SYT17: variants seen among roughly 807,000 people sequenced by gnomAD.
The protein encoded by SYT17 is synaptotagmin 17.
A neutral mutation model predicts 46.7 loss-of-function variants in SYT17; 22 were observed. The ratio of observed to expected loss-of-function variants is 0.47; its 90% CI spans 0.34 to 0.67. The LOEUF (loss-of-function observed/expected upper bound fraction) is 0.67. Among genes scored for constraint, SYT17 ranks in the 30% least tolerant of loss-of-function variants. The pLI is 0.01. For missense variants in SYT17, 519 were observed against 612.8 expected (o/e 0.85, Z 1.62); for synonymous variants, 251 against 248.4 (o/e 1.01, Z -0.10).
Position 19,168,369 on chromosome 16 carries a change from G to A in SYT17, c.-278G>A. 1 of 535,300 alleles carries A rather than the reference G, an allele frequency of 1.9e-6. No individual in the cohort carries two copies. The highest frequency in any genetic ancestry group is 3.6e-5 in the Admixed American group (1 of 27,798). The allele number at this position is 535,300 out of a possible 1,614,324, so 33.2% of individuals were successfully genotyped here. ...GGGGAGCGCCTCGGTGGGGAGCACG[G>A]GACAGCGAGGGAGGCCGAGGCGGGG... is the stretch of plus-strand genomic sequence containing the variant. On this transcript the variant is annotated 5_prime_UTR_variant, in exon 1 of 8. Coordinates refer to ENST00000355377, the MANE Select transcript of SYT17 (RefSeq NM_016524.4). The surrounding 1 kb of genome is among the most constrained non-coding windows in gnomAD (Gnocchi z 6.9).
In SYT17 at chr16:19,168,542, T is replaced by G. The variant is rs943849943; in HGVS notation, c.-105T>G. On this transcript the variant is annotated 5_prime_UTR_variant, in exon 1 of 8. Transcript: ENST00000355377. The surrounding 1 kb of genome is among the most constrained non-coding windows in gnomAD (Gnocchi z 6.9). Reference sequence around the variant, plus strand: ...TCACGTCTGGGGCCACCGGCTGCCTTTTTCTTCCTTTCCCCCTTTGCTTTC... The same window carrying G: ...TCACGTCTGGGGCCACCGGCTGCCTGTTTCTTCCTTTCCCCCTTTGCTTTC... 3.3e-6 allele frequency: 5 copies of G among 1,510,050 alleles called. No individual in the cohort carries two copies. The African/African-American group carries it at 7.1e-5, about 22-fold the overall frequency. The allele number at this position is 1,510,050 out of a possible 1,614,324, so 93.5% of individuals were successfully genotyped here.
At chr16:19,243,518 T>C (rs1007187285) in intron 7 of SYT17, among the ~76,000 whole-genome samples, 1 of 152,118 alleles carries the variant, frequency 6.6e-6, no homozygotes, top group Admixed American at 6.5e-5. Context: ...ACTTAAGATA[T>C]GCCTCATCTG....
At chr16:19,252,958 T>A (rs1485261490) in intron 7 of SYT17, among the ~76,000 whole-genome samples, 1 of 151,936 alleles carries the variant, frequency 6.6e-6, no homozygotes, top group Non-Finnish European at 1.5e-5. Context: ...TGCCCAAGAG[T>A]TTCTGATTCA....
intron 1 of SYT17, chr16:19,169,910 T>C (rs1964017492): frequency 1.3e-5 from 2 of 152,166 alleles, no homozygotes; most frequent in Non-Finnish European, 2.9e-5. Context: ...GAAATGAACA[T>C]GATTACCGGC....
chr16:19,188,504 T>A (rs1330493614), intron 5 of SYT17, among the ~76,000 whole-genome samples: 3 of 67,022 alleles, frequency 4.5e-5, no homozygotes, highest in African/African-American at 7.3e-5. Flanking sequence ...TAAAAAAAAT[T>A]CAGTTCTGCA....
At chr16:19,201,241 A>G (rs1965449261) in intron 5 of SYT17, among the ~76,000 whole-genome samples, 1 of 152,124 alleles carries the variant, frequency 6.6e-6, no homozygotes, top group Non-Finnish European at 1.5e-5. Context: ...GATTTGTGTG[A>G]TGTGTCAGGA....
intron 5 of SYT17, among the ~76,000 whole-genome samples, chr16:19,185,447 A>G (rs1413065954): frequency 1.3e-5 from 2 of 152,132 alleles, no homozygotes; most frequent in Non-Finnish European, 2.9e-5. Flanking sequence ...AAAATTAGCT[A>G]GGCATGGTAG....
At chr16:19,211,531 A>C in intron 5 of SYT17, 1 of 699,312 alleles carries the variant, frequency 1.4e-6, no homozygotes, top group South Asian at 1.5e-5. Context: ...TTTTCAACTG[A>C]GTGTTAATGG....
chr16:19,186,908 T>A (rs370661046), intron 5 of SYT17, among the ~76,000 whole-genome samples: 1 of 152,310 alleles, frequency 6.6e-6, no homozygotes, highest in African/African-American at 2.4e-5. Flanking sequence ...ACCATACCAT[T>A]CCTAGCAGCA....
intron 4 of SYT17, among the ~76,000 whole-genome samples, chr16:19,182,186 A>G (rs1164501528): frequency 6.6e-6 from 1 of 152,248 alleles, no homozygotes; most frequent in Non-Finnish European, 1.5e-5. Context: ...AGGCCGAGGC[A>G]GGCAGATAGC....
chr16:19,230,403 T>A (rs1966637897), intron 7 of SYT17, among the ~76,000 whole-genome samples: 1 of 149,966 alleles, frequency 6.7e-6, no homozygotes, highest in South Asian at 2.1e-4. Flanking sequence ...GTGAAACTCT[T>A]TAAAAAAAAA....
At chr16:19,196,206 G>A (rs957667576) in intron 5 of SYT17, among the ~76,000 whole-genome samples, 1 of 151,888 alleles carries the variant, frequency 6.6e-6, no homozygotes, top group Admixed American at 6.6e-5. Flanking sequence ...TACTACTTTG[G>A]TCATAACCAT....
chr16:19,237,450 C>G (rs1389639702), intron 7 of SYT17, among the ~76,000 whole-genome samples: 1 of 152,108 alleles, frequency 6.6e-6, no homozygotes. Flanking sequence ...AAGACACACC[C>G]AACAGTGCGC....
At chr16:19,169,789 T>C (rs904741149) in intron 1 of SYT17, 22 of 152,260 alleles carry the variant, frequency 1.4e-4, no homozygotes, top group African/African-American at 4.3e-4. Flanking sequence ...CCAGGGGCTA[T>C]TGAGTAGTCG....
chr16:19,219,795 C>T (rs1488151952), intron 5 of SYT17, among the ~76,000 whole-genome samples: 1 of 152,170 alleles, frequency 6.6e-6, no homozygotes, highest in Non-Finnish European at 1.5e-5. Context: ...AAGTCAGGGA[C>T]GGTTCTCACT....
intron 5 of SYT17, 149 bp from the exon 6 acceptor site, chr16:19,222,896 T>A: frequency 2.0e-6 from 2 of 975,886 alleles, no homozygotes; most frequent in Non-Finnish European, 3.0e-6. Flanking sequence ...GAGGCAGAGA[T>A]GAAAAGAAGT....
chr16:19,256,437 AAC>A (rs57120408), intron 7 of SYT17, among the ~76,000 whole-genome samples: 6,262 of 128,966 alleles, frequency 0.049, 331 homozygotes, highest in African/African-American at 0.14. Flanking sequence ...CCCCTCTTCA[AAC>A]ACACACACAC....
At chr16:19,225,837 G>A (rs1022424025) in intron 7 of SYT17, among the ~76,000 whole-genome samples, 12 of 152,140 alleles carry the variant, frequency 7.9e-5, no homozygotes, top group African/African-American at 2.7e-4. Context: ...AGAATGGCAA[G>A]GAAGAGTCTT....
At chr16:19,230,047 G>A (rs1010245764) in intron 7 of SYT17, among the ~76,000 whole-genome samples, 13 of 152,164 alleles carry the variant, frequency 8.5e-5, no homozygotes, top group Admixed American at 5.9e-4. Context: ...ATTATCAGGG[G>A]CTGGGGGAAG....
Sources: gnomAD v4.1 joint callset for allele counts (sites outside exome capture counted in the v4.1 genomes callset) on GRCh38, gnomAD v4.1.1 for gene constraint, Gnocchi (gnomAD v3.1) non-coding constraint, MANE v1.5 for transcripts, NCBI Gene and HGNC (gene_info 2026-07-23, HGNC 2026-07-21) for gene names.